The following SLC25A26 variants were observed in gnomAD, a reference collection of about 807,000 sequenced individuals.
SLC25A26 encodes mitochondrial S-adenosylmethionine carrier protein.
In SLC25A26, 36 loss-of-function variants were observed where a neutral mutation model predicts 37.8. The observed-to-expected ratio is 0.95, with a 90% confidence interval of 0.73 to 1.26. The LOEUF (loss-of-function observed/expected upper bound fraction) is 1.26, where lower values mean the gene tolerates loss of function less well. SLC25A26 is among the 50% of genes most tolerant of loss of function. The probability of loss-of-function intolerance (pLI) is 0.00; values close to 1 mark genes in which losing one functional copy is unlikely to be tolerated. For synonymous variants in SLC25A26, 129 were observed against 122.5 expected (o/e 1.05, Z -0.35); for missense variants, 390 against 331.1 (o/e 1.18, Z -1.38).
upstream of SLC25A26, among the ~76,000 whole-genome samples, chr3:66,219,566 G>A (rs2071414514): frequency 6.6e-6 from 1 of 152,170 alleles, no homozygotes; most frequent in African/African-American, 2.4e-5. Flanking sequence ...AGGCAGCTTA[G>A]GGAAAGGTAT....
chr3:66,208,972 G>GTATATATATATATA (rs1417828057), intron 1 of SLC25A26, among the ~76,000 whole-genome samples: 1 of 75,874 alleles, frequency 1.3e-5, no homozygotes, highest in East Asian at 4.3e-4. Flanking sequence ...ATATAAAGGT[G>GTATATATATATATA]TGTATATATA....
chr3:66,204,674 T>A (rs1334360524), intron 1 of SLC25A26, among the ~76,000 whole-genome samples: 1 of 152,152 alleles, frequency 6.6e-6, no homozygotes. Context: ...GGAACATGTA[T>A]AAGTTCGGCA....
chr3:66,337,129 C>CA (rs2076108409), intron 5 of SLC25A26, among the ~76,000 whole-genome samples: 1 of 152,120 alleles, frequency 6.6e-6, no homozygotes, highest in Non-Finnish European at 1.5e-5. Context: ...GCATTACAGT[C>CA]ACTCACTTCA....
At chr3:66,265,088 G>A (rs1335323570) in intron 5 of SLC25A26, among the ~76,000 whole-genome samples, 1 of 152,092 alleles carries the variant, frequency 6.6e-6, no homozygotes, top group Non-Finnish European at 1.5e-5. Flanking sequence ...GGAGGTGGGT[G>A]GTTTGTTTGA....
chr3:66,275,275 A>G (rs925521864), intron 5 of SLC25A26, among the ~76,000 whole-genome samples: 3 of 150,466 alleles, frequency 2.0e-5, no homozygotes, highest in African/African-American at 7.3e-5. Flanking sequence ...GAGGAGGGAT[A>G]GCATTAGGAG....
chr3:66,344,806 TTG>T (rs2076283475), intron 5 of SLC25A26, among the ~76,000 whole-genome samples: 2 of 152,176 alleles, frequency 1.3e-5, no homozygotes, highest in Admixed American at 6.5e-5. Flanking sequence ...TAATAACAGA[TTG>T]TACTGTGGGT....
At chr3:66,219,381 A>T (rs1257820725), upstream of SLC25A26, among the ~76,000 whole-genome samples, 1 of 152,160 alleles carries the variant, frequency 6.6e-6, no homozygotes, top group Non-Finnish European at 1.5e-5. Flanking sequence ...GGCAAAAGGA[A>T]TTTTTCAGAT....
intron 1 of SLC25A26, among the ~76,000 whole-genome samples, chr3:66,208,093 T>G (rs1191896544): frequency 6.6e-6 from 1 of 152,202 alleles, no homozygotes; most frequent in African/African-American, 2.4e-5. Context: ...TCCAAGCGAT[T>G]AGTCAATGGT....
chr3:66,191,586 C>A lies in SLC25A26; in HGVS notation c.-353-29156C>A, dbSNP rs889871754. On this transcript the variant is annotated intron_variant, in intron 1 of 10. Transcript: ENST00000676754. Reference sequence around the variant, plus strand: ...ATAGACTGAATGTTTGTGTTCCCCCCAAATTTGTAAGTTAAAATCCTGGCT... The same window carrying A: ...ATAGACTGAATGTTTGTGTTCCCCCAAAATTTGTAAGTTAAAATCCTGGCT... 2.8e-3 allele frequency among the ~76,000 whole-genome samples: 431 copies of A among 152,040 alleles called. 3 individuals carry two copies. Among genetic ancestry groups the A allele is most frequent in the African/African-American group, 9.8e-3 (407 of 41,476 alleles).
chr3:66,310,973 G>A (rs1271302752), intron 5 of SLC25A26, among the ~76,000 whole-genome samples: 12 of 151,960 alleles, frequency 7.9e-5, no homozygotes, highest in African/African-American at 2.9e-4. Context: ...ATGTGTCTTG[G>A]GTTGATCTTC....
intron 5 of SLC25A26, among the ~76,000 whole-genome samples, chr3:66,316,637 G>C (rs1267310697): frequency 6.6e-6 from 1 of 152,008 alleles, no homozygotes. Flanking sequence ...GGGGTTCTCT[G>C]GAGTTCCTGA....
chr3:66,220,019 TATAAGA>T (rs1303440878), upstream of SLC25A26, among the ~76,000 whole-genome samples: 2 of 152,158 alleles, frequency 1.3e-5, no homozygotes, highest in African/African-American at 4.8e-5. Context: ...TAAGAATAAT[TATAAGA>T]ATAATTCTAG....
At chr3:66,287,675 A>G (rs1025299677) in intron 5 of SLC25A26, among the ~76,000 whole-genome samples, 3 of 152,206 alleles carry the variant, frequency 2.0e-5, no homozygotes, top group Admixed American at 2.0e-4. Context: ...GGTGCTGTGT[A>G]TTTTGTTTTA....
intron 5 of SLC25A26, among the ~76,000 whole-genome samples, chr3:66,294,637 T>C (rs910401662): frequency 6.6e-6 from 1 of 152,208 alleles, no homozygotes; most frequent in Non-Finnish European, 1.5e-5. Flanking sequence ...TGTGATGTTC[T>C]CATATAAATT....
chr3:66,373,759 A>G (rs1484134462), intron 9 of SLC25A26, among the ~76,000 whole-genome samples: 1 of 151,748 alleles, frequency 6.6e-6, no homozygotes, highest in Non-Finnish European at 1.5e-5. Flanking sequence ...CGTGGTCCTT[A>G]ATTTTATGTG....
chr3:66,374,878 C>CAA (rs56225849), intron 9 of SLC25A26, among the ~76,000 whole-genome samples: 47,705 of 146,410 alleles, frequency 0.33, 8,953 homozygotes, highest in East Asian at 0.72. Flanking sequence ...GACCCTATCT[C>CAA]AAAAAAAAAA....
At chr3:66,208,173 T>C (rs2071205146) in intron 1 of SLC25A26, among the ~76,000 whole-genome samples, 1 of 145,076 alleles carries the variant, frequency 6.9e-6, no homozygotes, top group African/African-American at 2.9e-5. Flanking sequence ...AAAATCTAGA[T>C]TTTTTTTAAA....
At chr3:66,189,580 G>T (rs1298547520) in intron 1 of SLC25A26, among the ~76,000 whole-genome samples, 3 of 152,060 alleles carry the variant, frequency 2.0e-5, no homozygotes, top group Non-Finnish European at 2.9e-5. Flanking sequence ...AGTTTCTTTT[G>T]GATTTCTTAC....
intron 1 of SLC25A26, among the ~76,000 whole-genome samples, chr3:66,190,527 C>T (rs2070920321): frequency 6.6e-6 from 1 of 152,116 alleles, no homozygotes; most frequent in East Asian, 1.9e-4. Flanking sequence ...CTCCTGGGTT[C>T]CAGTGATTTT....
Sources: gnomAD v4.1 joint callset for allele counts (sites outside exome capture counted in the v4.1 genomes callset) on GRCh38, gnomAD v4.1.1 for gene constraint, MANE v1.5 for transcripts, NCBI Gene and HGNC (gene_info 2026-07-23, HGNC 2026-07-21) for gene names.